HEXB: variants seen among roughly 807,000 people sequenced by gnomAD.
HEXB encodes hexosaminidase subunit beta.
In HEXB, 51 loss-of-function variants were observed where a neutral mutation model predicts 71.2. That is an observed-to-expected ratio of 0.72 (90% CI 0.57 to 0.90). The LOEUF is 0.90. Among genes scored for constraint, HEXB ranks in the 40% least tolerant of loss-of-function variants. The pLI is 0.00. For synonymous variants in HEXB, 266 were observed against 249.3 expected (o/e 1.07, Z -0.63); for missense variants, 617 against 677.0 (o/e 0.91, Z 0.98).
intron 7 of HEXB, 67 bp from the exon 8 acceptor site, chr5:74,715,443 A>C (rs1749645994): frequency 9.3e-7 from 1 of 1,080,238 alleles, no homozygotes; most frequent in African/African-American, 1.6e-5. Context: ...TAGTAAAATC[A>C]TGTGGAAAAC....
intron 6 of HEXB, chr5:74,706,215 G>A (rs1219462197): frequency 6.6e-6 from 1 of 152,176 alleles, no homozygotes; most frequent in East Asian, 1.9e-4. Flanking sequence ...ACTGTAAAAA[G>A]GCCTGTTCTT....
Position 74,718,275 on chromosome 5 carries a change from T to A in HEXB, c.1170-16T>A. On this transcript the variant is annotated splice_polypyrimidine_tract_variant and intron_variant, in intron 9 of 13. Coordinates refer to ENST00000261416, the MANE Select transcript of HEXB (RefSeq NM_000521.4). Reference sequence around the variant, plus strand: ...GCTTATGATCTAAAATAACTATAATTTTTTTGTAATACTAGGGTTTTGGAT... The same window carrying A: ...GCTTATGATCTAAAATAACTATAATATTTTTGTAATACTAGGGTTTTGGAT... 2 of 1,488,480 alleles carry A rather than the reference T, an allele frequency of 1.3e-6. No individual in the cohort carries two copies. The highest frequency in any genetic ancestry group is 9.4e-7 in the Non-Finnish European group (1 of 1,065,522). The allele number at this position is 1,488,480 out of a possible 1,614,324, so 92.2% of individuals were successfully genotyped here.
At chr5:74,654,635 G>A (rs1056803237) in intron 1 of HEXB, among the ~76,000 whole-genome samples, 5 of 152,210 alleles carry the variant, frequency 3.3e-5, no homozygotes, top group Admixed American at 1.3e-4. Context: ...GGGTATGAGA[G>A]TTTAGTGGAT....
intron 1 of HEXB, among the ~76,000 whole-genome samples, chr5:74,666,456 T>C (rs545582079): frequency 1.3e-5 from 2 of 152,324 alleles, no homozygotes; most frequent in African/African-American, 4.8e-5. Flanking sequence ...TGGTTGTCAT[T>C]GTCTGCAAGC....
rs140115712 is a variant in HEXB at position 74,664,905 on chromosome 5, T to C, written c.-377+24347T>C. Among the ~76,000 whole-genome samples the C allele has an allele frequency of 5.5e-3, 839 of 152,196 alleles. 8 individuals carry two copies. Among genetic ancestry groups the C allele is most frequent in the African/African-American group, 0.019 (787 of 41,506 alleles). On this transcript the variant is annotated intron_variant, in intron 1 of 13. Transcript: ENST00000511181. ...CTGCAGGAAAACAGGATGCTCACAC[T>C]CTCGTTGTGGGAGGGCACGACATAT...
At chr5:74,706,663 G>C (rs182464573) in intron 6 of HEXB, among the ~76,000 whole-genome samples, 2 of 152,350 alleles carry the variant, frequency 1.3e-5, no homozygotes, top group Admixed American at 1.3e-4. Flanking sequence ...CTGGCTCGGA[G>C]GGTCCTACGT....
intron 1 of HEXB, among the ~76,000 whole-genome samples, chr5:74,675,087 G>A (rs1218641588): frequency 2.0e-5 from 3 of 152,180 alleles, no homozygotes; most frequent in Non-Finnish European, 2.9e-5. Flanking sequence ...GTCAGATCAG[G>A]CTGAACTCTG....
chr5:74,706,652 C>T lies in HEXB; in HGVS notation c.771+1332C>T, dbSNP rs62366361. 2.0e-3 allele frequency among the ~76,000 whole-genome samples: 310 copies of T among 152,340 alleles called. 2 individuals are homozygous for T. Among genetic ancestry groups the T allele is most frequent in the Non-Finnish European group, 3.1e-3 (211 of 68,030 alleles). The stretch of plus-strand genomic sequence containing the variant: ...GCACACCAGGATATTATATCCTGCA[C>T]CTGGCTCGGAGGGTCCTACGTGCAC... On this transcript the variant is annotated intron_variant, in intron 6 of 13. Transcript: ENST00000261416.
At chr5:74,679,105 G>A (rs566893635) in intron 1 of HEXB, among the ~76,000 whole-genome samples, 3 of 152,306 alleles carry the variant, frequency 2.0e-5, no homozygotes, top group African/African-American at 7.2e-5. Flanking sequence ...TTGCTACACA[G>A]CAATAGATAA....
intron 1 of HEXB, among the ~76,000 whole-genome samples, chr5:74,646,631 G>A (rs1302843802): frequency 2.0e-5 from 3 of 150,042 alleles, no homozygotes; most frequent in Non-Finnish European, 4.4e-5. Context: ...GCAGTGGCAT[G>A]ATCTCGGCTC....
rs398123448 is a variant in HEXB at position 74,721,149 on chromosome 5, G to A, written c.1645G>A (p.Gly549Arg). 1.9e-6 allele frequency: 3 copies of A among 1,613,212 alleles called. No homozygotes were observed. Among genetic ancestry groups the A allele is most frequent in the East Asian group, 4.5e-5 (2 of 44,794 alleles). Residue 549 changes from glycine to arginine, a missense_variant, in exon 14 of 14, where the codon GGA (glycine) becomes AGA (arginine). Transcript: ENST00000261416. Reference sequence around the variant, plus strand: ...AATAGCTGCACAACCTCTTTATGCTGGATATTGTAACCATGAGAACATGTA... The same window carrying A: ...AATAGCTGCACAACCTCTTTATGCTAGATATTGTAACCATGAGAACATGTA... ...RGIAAQPLYA[G>R]YCNHENM is the part of the protein sequence containing the mutation.
At chr5:74,705,494 G>A in intron 6 of HEXB, 174 bp downstream of exon 6, 1 of 605,014 alleles carries the variant, frequency 1.7e-6, no homozygotes, top group East Asian at 2.9e-5. Flanking sequence ...AACTTTTTTT[G>A]TTATTGTTAT....
chr5:74,669,813 C>T (rs528248137), intron 1 of HEXB, among the ~76,000 whole-genome samples: 109 of 152,214 alleles, frequency 7.2e-4, no homozygotes, highest in African/African-American at 2.4e-3. Flanking sequence ...AGTCATATCT[C>T]AATTTGGCTG....
At chr5:74,673,886 C>T (rs758347790) in intron 1 of HEXB, among the ~76,000 whole-genome samples, 1 of 152,112 alleles carries the variant, frequency 6.6e-6, no homozygotes, top group African/African-American at 2.4e-5. Context: ...GTGAGCCACT[C>T]GATACTCTGT....
intron 1 of HEXB, among the ~76,000 whole-genome samples, chr5:74,668,529 G>A (rs895765336): frequency 6.6e-6 from 1 of 152,130 alleles, no homozygotes; most frequent in Admixed American, 6.5e-5. Context: ...GTGCCTCTCT[G>A]AGCTTCATAT....
chr5:74,681,593 T>C (rs530569050), upstream of HEXB, among the ~76,000 whole-genome samples: 1 of 152,306 alleles, frequency 6.6e-6, no homozygotes, highest in South Asian at 2.1e-4. Flanking sequence ...TATGTTAATA[T>C]TGTTCCCGTG....
Position 74,705,246 on chromosome 5 carries a change from G to A in HEXB, c.697G>A (p.Val233Ile), listed in dbSNP as rs766877918. The A allele has an allele frequency of 6.2e-7, 1 of 1,611,474 alleles. No individual in the cohort carries two copies. The highest frequency in any genetic ancestry group is 1.1e-5 in the South Asian group (1 of 91,036). Reference protein sequence around the residue: ...LDAMAFNKFNVLHWHIVDDQS... With the variant: ...LDAMAFNKFNILHWHIVDDQS... The stretch of plus-strand genomic sequence containing the variant: ...TGCCATGGCTTTTAATAAGTTTAAT[G>A]TTCTTCACTGGCACATAGTTGATGA... The change falls in exon 6 of 14, where the codon GTT becomes ATT. Residue 233 changes from valine (V) to isoleucine (I), a missense_variant. Coordinates refer to ENST00000261416, the MANE Select transcript of HEXB (RefSeq NM_000521.4).
intron 1 of HEXB, among the ~76,000 whole-genome samples, chr5:74,674,687 G>A (rs1748600856): frequency 6.6e-6 from 1 of 151,734 alleles, no homozygotes; most frequent in African/African-American, 2.4e-5. Context: ...TATACAGAAT[G>A]AGAAAAATAA....
intron 1 of HEXB, among the ~76,000 whole-genome samples, chr5:74,675,321 C>A (rs757805548): frequency 7.2e-5 from 11 of 152,104 alleles, no homozygotes; most frequent in Non-Finnish European, 8.8e-5. Context: ...TGGATTCTTG[C>A]TAGAACTGGG....
Sources: allele counts gnomAD v4.1 joint callset (sites outside exome capture counted in the v4.1 genomes callset), GRCh38; gene constraint gnomAD v4.1.1; transcripts MANE v1.5; gene names NCBI Gene and HGNC (gene_info 2026-07-23, HGNC 2026-07-21).